The following ASB17 variants were observed in gnomAD, a reference collection of about 807,000 sequenced individuals.
The protein encoded by ASB17 is ankyrin repeat and SOCS box protein 17.
Under a neutral mutation model 25.7 loss-of-function variants are expected in ASB17, and 26 were observed. That is an observed-to-expected ratio of 1.01 (90% CI 0.74 to 1.40). The LOEUF (loss-of-function observed/expected upper bound fraction) is 1.40, where lower values mean the gene tolerates loss of function less well. Ranked by LOEUF, ASB17 falls within the 40% of genes most tolerant of loss-of-function variation. The pLI is 0.00. For synonymous variants in ASB17, 128 were observed against 121.4 expected, an observed-to-expected ratio of 1.05 and a Z score of -0.36; for missense variants, 326 against 338.5, an observed-to-expected ratio of 0.96 and a Z score of 0.29.
At position 75,932,356 on chromosome 1, in the gene ASB17, A is replaced by G; in HGVS notation, c.-65T>C. ...AAGCATACTGTAATCCTCCAGTTAC[A>G]TATTTTGACAATGTGGCAGGCTTTA... On this transcript the variant is annotated 5_prime_UTR_variant, in exon 1 of 3. The change abolishes an upstream ATG in the 5' untranslated region. Transcript: ENST00000284142. 3 of 1,429,368 alleles carry G rather than the reference A, an allele frequency of 2.1e-6. No homozygotes were observed. Among genetic ancestry groups the G allele is most frequent in the Non-Finnish European group, 2.8e-6 (3 of 1,058,578 alleles). 88.5% of individuals were successfully genotyped at this position (1,429,368 alleles called of 1,614,324 possible).
At position 75,932,309 on chromosome 1, in the gene ASB17, C is replaced by G. The variant is rs768949417; in HGVS notation, c.-18G>C. On this transcript the variant is annotated 5_prime_UTR_variant, in exon 1 of 3. Transcript: ENST00000284142. ...TTACTCATTGTTACTTATAGCAGCACTGTAGAAATAAAATCAGAGGTAAGC... is the reference window on the plus strand; with the variant it reads ...TTACTCATTGTTACTTATAGCAGCAGTGTAGAAATAAAATCAGAGGTAAGC... 1.1e-5 allele frequency: 18 copies of G among 1,568,446 alleles called. No individual in the cohort carries two copies. The highest frequency in any genetic ancestry group is 1.1e-4 in the Admixed American group (6 of 53,606).
intron 1 of ASB17, among the ~76,000 whole-genome samples, chr1:75,927,806 T>G (rs1313910417): frequency 1.3e-5 from 2 of 152,190 alleles, no homozygotes; most frequent in African/African-American, 4.8e-5. Flanking sequence ...TAAATCTTTT[T>G]AATTGTACAA....
In ASB17 at chr1:75,919,093, T is replaced by G; in HGVS notation, c.747A>C (p.Arg249Ser). ...SNWFDYIPST[R>S]YKDPCELLHL... ...GTAATAGTTCACATGGATCTTTGTA[T>G]CTTGTTGAAGGAATGTAATCAAACC... The change falls in exon 3 of 3, where the codon AGA becomes AGC. Residue 249 changes from arginine (R) to serine (S), a missense_variant. Transcript: ENST00000284142. The G allele has an allele frequency of 6.2e-7, 1 of 1,613,104 alleles. No homozygotes were observed.
intron 2 of ASB17, 46 bp from the exon 3 acceptor site, chr1:75,919,204 G>A: frequency 3.1e-6 from 4 of 1,305,544 alleles, no homozygotes; most frequent in Non-Finnish European, 4.3e-6. Flanking sequence ...TTTGTAATTT[G>A]GATTAGTCCA....
chr1:75,923,926 A>G (rs1362476093), intron 1 of ASB17, among the ~76,000 whole-genome samples: 1 of 152,142 alleles, frequency 6.6e-6, no homozygotes, highest in Non-Finnish European at 1.5e-5. Context: ...ATACACAGAG[A>G]TAAAAGATAT....
In ASB17 at chr1:75,919,034, A is replaced by C; in HGVS notation, c.806T>G (p.Leu269Ter). The change falls in exon 3 of 3, where the codon TTA becomes TGA. Residue 269 changes from leucine to a stop codon, truncating the protein, a stop_gained. Transcript: ENST00000284142. LOFTEE classifies it high-confidence loss of function. The part of the protein sequence containing the change: ...LCRLTIRNQL[L>*]TNNMLPDGIF... ...TCCATCTGGGAGCATATTGTTGGTTAATAGTTGATTCCTGATGGTTAGTCT... is the reference window on the plus strand; with the variant it reads ...TCCATCTGGGAGCATATTGTTGGTTCATAGTTGATTCCTGATGGTTAGTCT... 1.2e-6 allele frequency: 2 copies of C among 1,612,650 alleles called. No individual in the cohort carries two copies. The highest frequency in any genetic ancestry group is 1.7e-6 in the Non-Finnish European group (2 of 1,178,872).
In ASB17 at chr1:75,918,911, A is replaced by T; in HGVS notation, c.*41T>A. On this transcript the variant is annotated 3_prime_UTR_variant, in exon 3 of 3. Transcript: ENST00000284142. Reference sequence around the variant, plus strand: ...ATTTTTATTAACTTCTAAGCCATACATTGGTAAGCATTGTTAAGGAACTTA... The same window carrying T: ...ATTTTTATTAACTTCTAAGCCATACTTTGGTAAGCATTGTTAAGGAACTTA... 1.3e-6 allele frequency: 2 copies of T among 1,491,320 alleles called. No individual in the cohort carries two copies. Among genetic ancestry groups the T allele is most frequent in the Middle Eastern group, 1.7e-4 (1 of 5,842 alleles). 92.4% of individuals were successfully genotyped at this position (1,491,320 alleles called of 1,614,324 possible).
chr1:75,924,881 T>G (rs1272091753), intron 1 of ASB17, among the ~76,000 whole-genome samples: 1 of 152,048 alleles, frequency 6.6e-6, no homozygotes, highest in Non-Finnish European at 1.5e-5. Flanking sequence ...TTTTGTGAAC[T>G]CTTCTTTGAT....
intron 1 of ASB17, among the ~76,000 whole-genome samples, chr1:75,928,131 C>G (rs554132160): frequency 6.6e-6 from 1 of 152,274 alleles, no homozygotes; most frequent in Admixed American, 6.5e-5. Flanking sequence ...TCTCAGATAC[C>G]TACTCCTCCC....
chr1:75,928,986 G>A (rs1002488932), intron 1 of ASB17, among the ~76,000 whole-genome samples: 1 of 152,042 alleles, frequency 6.6e-6, no homozygotes, highest in South Asian at 2.1e-4. Context: ...TTGAGAAGAT[G>A]GTATTTATAC....
At position 75,926,575 on chromosome 1, in the gene ASB17, T is replaced by C. The variant is rs554199067; in HGVS notation, c.402-4216A>G. Among the ~76,000 whole-genome samples, 10 of 152,300 alleles carry C rather than the reference T, an allele frequency of 6.6e-5. No individual in the cohort carries two copies. The South Asian group carries it at 1.7e-3, about 25-fold the overall frequency. On this transcript the variant is annotated intron_variant, in intron 1 of 2. Transcript: ENST00000284142. ...TGGATCACTGTAAGAACTTCACCTT[T>C]TACTCTAAACCAAAAGGACAAGCCA...
chr1:75,928,212 G>T (rs1439812369), intron 1 of ASB17, among the ~76,000 whole-genome samples: 8 of 152,082 alleles, frequency 5.3e-5, no homozygotes, highest in African/African-American at 1.9e-4. Flanking sequence ...CCTAGAGTGT[G>T]GCTATAATTG....
At chr1:75,928,060 G>C (rs1354300111) in intron 1 of ASB17, among the ~76,000 whole-genome samples, 2 of 152,136 alleles carry the variant, frequency 1.3e-5, no homozygotes, top group African/African-American at 4.8e-5. Context: ...GGGAAAGAAA[G>C]AAGAAACTCT....
chr1:75,921,530 T>A (rs1252817885), intron 2 of ASB17, among the ~76,000 whole-genome samples: 1 of 152,244 alleles, frequency 6.6e-6, no homozygotes, highest in African/African-American at 2.4e-5. Flanking sequence ...ATGCTGTTAA[T>A]TGTTTTCTCT....
chr1:75,924,841 C>T (rs977210374), intron 1 of ASB17, among the ~76,000 whole-genome samples: 1 of 151,852 alleles, frequency 6.6e-6, no homozygotes, highest in Non-Finnish European at 1.5e-5. Flanking sequence ...AAGTCTAACT[C>T]ATCTTTATGA....
Position 75,922,314 on chromosome 1 carries a change from T to A in ASB17, c.447A>T (p.Thr149=). 6.2e-7 allele frequency: 1 copy of A among 1,613,462 alleles called. No individual in the cohort carries two copies. The part of the protein sequence containing the change: ...VYCPSPLSGI[T]PLFYVAQTRQ... ...TTGTCTGAGCTACATAAAAGAGAGG[T>A]GTGATGCCACTTAATGGGCTTGGAC... is the stretch of plus-strand genomic sequence containing the variant. Residue 149 remains threonine (T), a synonymous_variant, in exon 2 of 3, where the codon ACA becomes ACT. Coordinates refer to ENST00000284142, the MANE Select transcript of ASB17 (RefSeq NM_080868.3).
intron 1 of ASB17, among the ~76,000 whole-genome samples, chr1:75,926,908 A>G (rs1653188320): frequency 1.3e-5 from 2 of 152,196 alleles, no homozygotes; most frequent in South Asian, 4.1e-4. Flanking sequence ...TTGTATGACC[A>G]TTTTGGTGGG....
At chr1:75,923,979 T>C (rs12731627) in intron 1 of ASB17, among the ~76,000 whole-genome samples, 7,151 of 152,142 alleles carry the variant, frequency 0.047, 205 homozygotes, top group African/African-American at 0.064. Flanking sequence ...CACAAGAAAT[T>C]GCATAAATAC....
At chr1:75,925,788 C>T (rs1557543678) in intron 1 of ASB17, among the ~76,000 whole-genome samples, 1 of 151,612 alleles carries the variant, frequency 6.6e-6, no homozygotes, top group East Asian at 1.9e-4. Flanking sequence ...AATTTTTTTC[C>T]CTTCTCATTC....
Sources: gnomAD v4.1 joint callset for allele counts (sites outside exome capture counted in the v4.1 genomes callset) on GRCh38, gnomAD v4.1.1 for gene constraint, MANE v1.5 for transcripts, NCBI Gene and HGNC (gene_info 2026-07-23, HGNC 2026-07-21) for gene names.